The following ZDHHC7 variants were observed in gnomAD, a reference collection of about 807,000 sequenced individuals.
ZDHHC7 encodes the protein zDHHC palmitoyltransferase 7.
ZDHHC7 carries 12 observed loss-of-function variants against 34.1 expected under a neutral mutation model. That is an observed-to-expected ratio of 0.35 (90% confidence interval 0.23 to 0.57). The LOEUF is 0.57. Ranked by LOEUF, ZDHHC7 falls within the 20% of genes least tolerant of loss-of-function variation. The probability of loss-of-function intolerance (pLI) is 0.84; values close to 1 mark genes in which losing one functional copy is unlikely to be tolerated. For synonymous variants in ZDHHC7, 185 were observed against 155.4 expected (o/e 1.19, Z -1.42); for missense variants, 388 against 402.7 (o/e 0.96, Z 0.31).
Position 84,976,403 on chromosome 16 carries a change from G to T in ZDHHC7, c.867C>A (p.Gly289=), listed in dbSNP as rs2072297894. 5.6e-6 allele frequency: 9 copies of T among 1,614,108 alleles called. No homozygotes were observed. Among genetic ancestry groups the T allele is most frequent in the Non-Finnish European group, 6.8e-6 (8 of 1,180,018 alleles). ...PSLLWMNPFV[G]FRFRRLPTRP... ...TCGTGGGCAGTCGCCTAAATCGGAA[G>T]CCCACAAAGGGATTCATCCAGAGGA... The change falls in exon 8 of 8, where the codon GGC becomes GGA. Residue 289 remains glycine (G), a synonymous_variant. Coordinates refer to ENST00000313732, the MANE Select transcript of ZDHHC7 (RefSeq NM_017740.3).
At chr16:84,992,759 T>C (rs1368630492) in intron 2 of ZDHHC7, among the ~76,000 whole-genome samples, 2 of 152,114 alleles carry the variant, frequency 1.3e-5, no homozygotes, top group African/African-American at 4.8e-5. Context: ...TAAAGGAGTG[T>C]AGTAAGAATG....
At chr16:84,994,115 A>G (rs1304724449) in intron 2 of ZDHHC7, among the ~76,000 whole-genome samples, 2 of 152,168 alleles carry the variant, frequency 1.3e-5, no homozygotes, top group Non-Finnish European at 2.9e-5. Flanking sequence ...GCTACCTGAG[A>G]GCTCTTGCAG....
At chr16:85,012,763 G>A (rs1033142987), upstream of ZDHHC7, among the ~76,000 whole-genome samples, 4 of 151,906 alleles carry the variant, frequency 2.6e-5, no homozygotes, top group African/African-American at 7.3e-5. Flanking sequence ...AAATTAGCCG[G>A]GTGCAGTTTT....
chr16:85,025,472 G>A, the ZDHHC7 span, among the ~76,000 whole-genome samples: 1 of 151,862 alleles, frequency 6.6e-6, no homozygotes, highest in Non-Finnish European at 1.5e-5. Context: ...GCAGTGGCGC[G>A]ATCTCAGCTC....
chr16:84,998,789 C>T (rs2072617795), intron 1 of ZDHHC7, among the ~76,000 whole-genome samples: 1 of 143,518 alleles, frequency 7.0e-6, no homozygotes, highest in Non-Finnish European at 1.5e-5. Context: ...AGTCTCACTC[C>T]TTTGCCCAGG....
the ZDHHC7 span, among the ~76,000 whole-genome samples, chr16:85,020,609 G>A: frequency 6.6e-6 from 1 of 152,134 alleles, no homozygotes; most frequent in African/African-American, 2.4e-5. Context: ...CACGCAGGCA[G>A]GTCCTACAGT....
intron 2 of ZDHHC7, among the ~76,000 whole-genome samples, chr16:84,991,965 C>T (rs867957354): frequency 6.6e-6 from 1 of 151,484 alleles, no homozygotes; most frequent in African/African-American, 2.4e-5. Flanking sequence ...TTTGGGAGGT[C>T]AGGAGTTTGA....
At chr16:85,008,784 G>A (rs994854801) in intron 1 of ZDHHC7, among the ~76,000 whole-genome samples, 7 of 151,632 alleles carry the variant, frequency 4.6e-5, no homozygotes, top group African/African-American at 1.5e-4. Flanking sequence ...AGTGGCTCAC[G>A]CCTGTAATCC....
At chr16:84,988,528 C>T (rs958469367) in intron 3 of ZDHHC7, among the ~76,000 whole-genome samples, 2 of 152,224 alleles carry the variant, frequency 1.3e-5, no homozygotes, top group Non-Finnish European at 2.9e-5. Flanking sequence ...AGGGCGGCAG[C>T]ACGCCCTGCA....
intron 3 of ZDHHC7, among the ~76,000 whole-genome samples, chr16:84,989,552 A>C (rs1409756542): frequency 2.0e-5 from 3 of 152,038 alleles, no homozygotes; most frequent in Admixed American, 2.0e-4. Context: ...AAAATTAGCC[A>C]GGCATGGTGG....
At chr16:84,983,044 G>C (rs1424231253) in intron 3 of ZDHHC7, among the ~76,000 whole-genome samples, 1 of 152,224 alleles carries the variant, frequency 6.6e-6, no homozygotes, top group Non-Finnish European at 1.5e-5. Context: ...AGCTGTGGCA[G>C]GGTGGAATAA....
At position 84,988,954 on chromosome 16, in the gene ZDHHC7, G is replaced by C. The variant is rs2143630549; in HGVS notation, c.315+1350C>G. The C allele has an allele frequency of 2.2e-6, 3 of 1,379,826 alleles. No homozygotes were observed. In the South Asian group the frequency reaches 3.8e-5, roughly 17 times the overall value. 85.5% of individuals were successfully genotyped at this position (1,379,826 alleles called of 1,614,324 possible). ...CCCTCTCCTTTGTCGAAGTGCCTGG[G>C]CACTTTGGGCAACAAACAAGGGGTT... On this transcript the variant is annotated intron_variant, in intron 3 of 7. Coordinates refer to ENST00000313732, the MANE Select transcript of ZDHHC7 (RefSeq NM_017740.3).
At chr16:85,021,904 C>G in the ZDHHC7 span, among the ~76,000 whole-genome samples, 2 of 151,802 alleles carry the variant, frequency 1.3e-5, no homozygotes, top group Non-Finnish European at 2.9e-5. Context: ...CGCCTGTAAT[C>G]GCAGCACTTT....
chr16:85,006,968 A>C (rs2072725053), intron 1 of ZDHHC7, among the ~76,000 whole-genome samples: 1 of 151,772 alleles, frequency 6.6e-6, no homozygotes, highest in African/African-American at 2.4e-5. Flanking sequence ...TTATTCATTC[A>C]CCAAACAGTT....
intron 2 of ZDHHC7, among the ~76,000 whole-genome samples, chr16:84,991,085 T>C (rs942982769): frequency 1.3e-5 from 2 of 152,338 alleles, no homozygotes; most frequent in Non-Finnish European, 2.9e-5. Flanking sequence ...AGCAGCATGA[T>C]GAAAGAATGA....
rs147242245 is a variant in ZDHHC7 at position 85,004,713 on chromosome 16, G to C, written c.-104+6573C>G. On this transcript the variant is annotated intron_variant, in intron 1 of 7. Transcript: ENST00000313732. ...CACGCACTCCACAAACATTTCTTGA[G>C]TGAATAAGTAAGGGAAGGAGGGTGC... 2.6e-5 allele frequency among the ~76,000 whole-genome samples: 4 copies of C among 152,256 alleles called. No homozygotes were observed. In the East Asian group the frequency reaches 7.7e-4, roughly 29 times the overall value.
chr16:84,999,175 A>G (rs757769376), intron 1 of ZDHHC7, among the ~76,000 whole-genome samples: 2 of 152,202 alleles, frequency 1.3e-5, no homozygotes, highest in African/African-American at 2.4e-5. Flanking sequence ...ATGTCTTAAA[A>G]TCGGAAACTG....
intron 3 of ZDHHC7, among the ~76,000 whole-genome samples, chr16:84,986,388 A>C (rs2072437310): frequency 6.6e-6 from 1 of 152,322 alleles, no homozygotes; most frequent in African/African-American, 2.4e-5. Context: ...TGACGGTGGG[A>C]GGAAAGCACG....
At chr16:85,022,651 T>C in the ZDHHC7 span, among the ~76,000 whole-genome samples, 213 of 152,206 alleles carry the variant, frequency 1.4e-3, no homozygotes, top group African/African-American at 4.9e-3. Flanking sequence ...CTAAATAGTC[T>C]CAAAGTATCT....
Sources: gnomAD v4.1 joint callset for allele counts (sites outside exome capture counted in the v4.1 genomes callset) on GRCh38, gnomAD v4.1.1 for gene constraint, MANE v1.5 for transcripts, NCBI Gene and HGNC (gene_info 2026-07-23, HGNC 2026-07-21) for gene names.